The following RNF157 variants were observed in gnomAD, a reference collection of about 807,000 sequenced individuals.
RNF157 encodes E3 ubiquitin ligase RNF157.
A neutral mutation model predicts 88.3 loss-of-function variants in RNF157; 55 were observed. That is an observed-to-expected ratio of 0.62 (90% CI 0.50 to 0.78). The LOEUF (loss-of-function observed/expected upper bound fraction) is 0.78. RNF157 is among the 30% of genes least tolerant of loss of function. RNF157 has a pLI of 0.00. For missense variants in RNF157, 788 were observed against 860.8 expected, an observed-to-expected ratio of 0.92 and a Z score of 1.06; for synonymous variants, 334 against 341.2, an observed-to-expected ratio of 0.98 and a Z score of 0.23.
intron 1 of RNF157, among the ~76,000 whole-genome samples, chr17:76,238,979 T>G (rs575891999): frequency 6.6e-6 from 1 of 152,300 alleles, no homozygotes; most frequent in South Asian, 2.1e-4. Flanking sequence ...GCGGGCAGGT[T>G]CATCGTCTGG....
rs2068848150 is a variant in RNF157 at position 76,161,726 on chromosome 17, T to C, written c.953-79A>G. The stretch of plus-strand genomic sequence containing the variant: ...ACAAGAGCCCAGACAGAAACCATGA[T>C]CCCTCCCAGCGCGCATCCGTTTGTC... On this transcript the variant is annotated intron_variant, in intron 10 of 18. Transcript: ENST00000269391. This position sits in a 1 kb window ranked among gnomAD's most constrained non-coding sequence, Gnocchi z 4.6. The C allele has an allele frequency of 2.0e-6, 3 of 1,525,788 alleles. No homozygotes were observed. The highest frequency in any genetic ancestry group is 1.4e-5 in the African/African-American group (1 of 72,618). 94.5% of individuals were successfully genotyped at this position (1,525,788 alleles called of 1,614,324 possible). A position where few individuals can be genotyped will look rare whatever the true frequency, so the allele number is the denominator to read the frequency against.
chr17:76,186,981 A>T (rs1387967694), intron 2 of RNF157, among the ~76,000 whole-genome samples: 4 of 149,784 alleles, frequency 2.7e-5, no homozygotes, highest in African/African-American at 4.9e-5. Flanking sequence ...ATAAATAAAT[A>T]AAATCTCAAC....
At chr17:76,221,497 A>C (rs2069982324) in intron 1 of RNF157, among the ~76,000 whole-genome samples, 1 of 152,184 alleles carries the variant, frequency 6.6e-6, no homozygotes, top group South Asian at 2.1e-4. Context: ...TCCTCAAAGA[A>C]TATATTGTAA....
At chr17:76,209,211 A>G (rs1446519094) in intron 2 of RNF157, among the ~76,000 whole-genome samples, 1 of 151,904 alleles carries the variant, frequency 6.6e-6, no homozygotes, top group Admixed American at 6.6e-5. Context: ...GACCACAGGC[A>G]CATGCCACTG....
At chr17:76,226,670 G>A (rs573080397) in intron 1 of RNF157, 1 of 1,612,256 alleles carries the variant, frequency 6.2e-7, no homozygotes, top group East Asian at 2.2e-5. Flanking sequence ...GAACCCATGA[G>A]GTTTGAAGTG....
chr17:76,185,008 A>C (rs1477277417), intron 2 of RNF157, among the ~76,000 whole-genome samples: 2 of 152,236 alleles, frequency 1.3e-5, no homozygotes, highest in East Asian at 1.9e-4. Context: ...TAAGGGTACG[A>C]AAAACCTACC....
chr17:76,154,467 T>C (rs2068730792), intron 16 of RNF157, 139 bp from the exon 17 acceptor site: 1 of 700,026 alleles, frequency 1.4e-6, no homozygotes, highest in African/African-American at 1.8e-5. Context: ...CTGTGTTTAA[T>C]ATGCCTCAGA....
intron 2 of RNF157, among the ~76,000 whole-genome samples, chr17:76,199,666 T>A (rs1164751308): frequency 6.6e-6 from 1 of 151,774 alleles, no homozygotes; most frequent in Non-Finnish European, 1.5e-5. Flanking sequence ...GGAGTGCCCC[T>A]TCTTATCACT....
Position 76,166,491 on chromosome 17 carries a change from C to T in RNF157, c.598G>A (p.Val200Met). Residue 200 changes from valine to methionine, a missense_variant, in exon 6 of 19, where the codon GTG becomes ATG. Val to Met is a conservative substitution (Grantham distance 21, BLOSUM62 1). Coordinates refer to ENST00000269391, the MANE Select transcript of RNF157 (RefSeq NM_052916.3). ...FDLDREVYPL[V>M]VHAVVDEGDE... The stretch of plus-strand genomic sequence containing the variant: ...CCTTCATCCACCACGGCATGTACCA[C>T]TAGAGGGTAAACTTCTCGGTCTAAA... 1.2e-6 allele frequency: 2 copies of T among 1,613,926 alleles called. No homozygotes were observed. The highest frequency in any genetic ancestry group is 1.7e-6 in the Non-Finnish European group (2 of 1,179,978).
At chr17:76,196,897 C>T (rs1389961386) in intron 2 of RNF157, among the ~76,000 whole-genome samples, 2 of 152,204 alleles carry the variant, frequency 1.3e-5, no homozygotes, top group Non-Finnish European at 1.5e-5. Flanking sequence ...AAAGCTTTCC[C>T]GTGGGACCAG....
rs1462288604 is a variant in RNF157, at chr17:76,159,346, CTT to C, written c.1291_1292del (p.Lys431GlufsTer15). 1 of 1,613,282 alleles carries C rather than the reference CTT, an allele frequency of 6.2e-7. No individual in the cohort carries two copies. The highest frequency in any genetic ancestry group is 1.3e-5 in the African/African-American group (1 of 74,876). ...DSSSQGLKLK[K>X]SLSKSTSQNS... ...CACTGGCTACTCACTTGGAGAGACT[CTT>C]TTTGAGTTTGAGTCCCTGACTGCTG... On this transcript the variant is annotated frameshift_variant, in exon 12 of 19. Coordinates refer to ENST00000269391, the MANE Select transcript of RNF157 (RefSeq NM_052916.3). LOFTEE classifies it high-confidence loss of function.
At chr17:76,198,688 C>T (rs79583534) in intron 2 of RNF157, among the ~76,000 whole-genome samples, 2,489 of 152,308 alleles carry the variant, frequency 0.016, 79 homozygotes, top group African/African-American at 0.057. Context: ...ACTCTCTAAT[C>T]TACCTTCTAC....
intron 2 of RNF157, among the ~76,000 whole-genome samples, chr17:76,197,891 G>A (rs1368371012): frequency 2.0e-5 from 3 of 152,176 alleles, no homozygotes; most frequent in African/African-American, 2.4e-5. Flanking sequence ...AGATGGGAAC[G>A]TCTGTGTATA....
intron 1 of RNF157, chr17:76,225,864 T>C: frequency 6.2e-7 from 1 of 1,613,102 alleles, no homozygotes; most frequent in South Asian, 1.1e-5. Context: ...TCGTTCTTCT[T>C]TTCCAGCTCT....
intron 2 of RNF157, among the ~76,000 whole-genome samples, chr17:76,205,723 C>CTAAATAAATAACTAAA: frequency 6.8e-6 from 1 of 146,818 alleles, no homozygotes; most frequent in African/African-American, 2.6e-5. Flanking sequence ...GACTCCATCT[C>CTAAATAAATAACTAAA]TAAATAAATA....
At chr17:76,182,760 C>CATAT (rs377581288) in intron 2 of RNF157, among the ~76,000 whole-genome samples, 16,424 of 92,946 alleles carry the variant, frequency 0.18, 1,711 homozygotes, top group East Asian at 0.45. Flanking sequence ...GGCCTCGTCT[C>CATAT]ATATATATAT....
intron 1 of RNF157, among the ~76,000 whole-genome samples, chr17:76,238,062 C>A (rs886135383): frequency 6.8e-6 from 1 of 146,278 alleles, no homozygotes; most frequent in African/African-American, 2.6e-5. Flanking sequence ...CCAGCCTGGG[C>A]GTGACAGAGA....
intron 1 of RNF157, among the ~76,000 whole-genome samples, chr17:76,239,438 C>T (rs774264765): frequency 2.6e-4 from 39 of 152,190 alleles, no homozygotes; most frequent in Middle Eastern, 3.4e-3. Context: ...AGAGCTGGTC[C>T]CACTCCAAAA....
chr17:76,162,435 C>T, intron 9 of RNF157, 117 bp downstream of exon 9: 1 of 726,376 alleles, frequency 1.4e-6, no homozygotes. Context: ...CAAGAAAATA[C>T]CCTTCTAAGA....
Sources: gnomAD v4.1 joint callset for allele counts (sites outside exome capture counted in the v4.1 genomes callset) on GRCh38, gnomAD v4.1.1 for gene constraint, Gnocchi (gnomAD v3.1) non-coding constraint, MANE v1.5 for transcripts, NCBI Gene and HGNC (gene_info 2026-07-23, HGNC 2026-07-21) for gene names.